The following GABRA4 variants were observed in gnomAD, a reference collection of about 807,000 sequenced individuals.
GABRA4 encodes the protein gamma-aminobutyric acid type A receptor subunit alpha4.
A neutral mutation model predicts 49.7 loss-of-function variants in GABRA4; 12 were observed. The observed-to-expected ratio is 0.24, with a 90% CI of 0.15 to 0.39. The LOEUF (loss-of-function observed/expected upper bound fraction) is 0.39, where lower values mean the gene tolerates loss of function less well. Ranked by LOEUF, GABRA4 falls within the 10% of genes least tolerant of loss-of-function variation. The pLI is 1.00. For missense variants in GABRA4, 506 were observed against 686.0 expected, an observed-to-expected ratio of 0.74 and a Z score of 2.93; for synonymous variants, 288 against 240.2, an observed-to-expected ratio of 1.20 and a Z score of -1.84.
intron 1 of GABRA4, 146 bp from the exon 2 acceptor site, chr4:46,993,092 A>G: frequency 1.4e-6 from 1 of 720,466 alleles, no homozygotes; most frequent in Admixed American, 2.6e-5. Context: ...GATGCAGAAG[A>G]CAGAAATGGT....
intron 7 of GABRA4, among the ~76,000 whole-genome samples, chr4:46,968,169 A>T (rs1375532492): frequency 1.3e-5 from 2 of 151,636 alleles, no homozygotes; most frequent in Non-Finnish European, 3.0e-5. Context: ...TAAATCTCAT[A>T]TGAAAATAGC....
intron 8 of GABRA4, among the ~76,000 whole-genome samples, chr4:46,958,639 C>G (rs1314487286): frequency 1.3e-5 from 2 of 151,874 alleles, no homozygotes; most frequent in African/African-American, 2.4e-5. Context: ...AGAAACAGAA[C>G]AGCTGGTTTG....
At chr4:46,955,609 T>C (rs1722311713) in intron 8 of GABRA4, among the ~76,000 whole-genome samples, 1 of 152,106 alleles carries the variant, frequency 6.6e-6, no homozygotes, top group South Asian at 2.1e-4. Flanking sequence ...TGAATGACTA[T>C]CATTCCTACC....
chr4:46,963,024 A>G (rs1450947949), intron 8 of GABRA4, among the ~76,000 whole-genome samples: 1 of 151,868 alleles, frequency 6.6e-6, no homozygotes, highest in East Asian at 1.9e-4. Context: ...AATCTCTTGG[A>G]CATTGGTCTG....
At chr4:46,952,088 T>C (rs983567779) in intron 8 of GABRA4, among the ~76,000 whole-genome samples, 12 of 152,074 alleles carry the variant, frequency 7.9e-5, no homozygotes, top group Non-Finnish European at 1.3e-4. Flanking sequence ...AAAAATTTAG[T>C]GGCCTACATT....
At chr4:46,980,348 C>A (rs1259383666) in intron 2 of GABRA4, among the ~76,000 whole-genome samples, 1 of 140,754 alleles carries the variant, frequency 7.1e-6, no homozygotes. Context: ...CACTTGGATT[C>A]TTGCTTGGGA....
At chr4:46,989,924 T>A (rs909330210) in intron 2 of GABRA4, among the ~76,000 whole-genome samples, 1 of 152,136 alleles carries the variant, frequency 6.6e-6, no homozygotes, top group Non-Finnish European at 1.5e-5. Flanking sequence ...TATCTAAGAG[T>A]CTGTGCTAAT....
At chr4:46,979,312 C>T (rs1321424686) in intron 2 of GABRA4, among the ~76,000 whole-genome samples, 1 of 152,002 alleles carries the variant, frequency 6.6e-6, no homozygotes, top group Non-Finnish European at 1.5e-5. Context: ...AAAAGAAACC[C>T]CAATTACTTA....
rs1720939751 is a variant in GABRA4 at position 46,920,328 on chromosome 4, A to T, written c.*7897T>A. On this transcript the variant is annotated 3_prime_UTR_variant, in exon 9 of 9. Coordinates refer to ENST00000264318, the MANE Select transcript of GABRA4 (RefSeq NM_000809.4). ...TAATATCTTATATTGCCAACAACAT[A>T]ACTTTGTTCAGGTATTTGCCAGTCT... 6.6e-6 allele frequency: 1 copy of T among 151,684 alleles called. No individual in the cohort carries two copies. Among genetic ancestry groups the T allele is most frequent in the Non-Finnish European group, 1.5e-5 (1 of 67,664 alleles). The allele number at this position is 151,684 out of a possible 1,614,324, so 9.4% of individuals were successfully genotyped here.
intron 2 of GABRA4, among the ~76,000 whole-genome samples, chr4:46,990,107 G>A (rs1345675558): frequency 2.0e-5 from 3 of 151,958 alleles, no homozygotes; most frequent in Non-Finnish European, 4.4e-5. Context: ...ACATTTATCA[G>A]CAAAGCCAAG....
chr4:46,953,122 A>G (rs1722230085), intron 8 of GABRA4, among the ~76,000 whole-genome samples: 1 of 152,144 alleles, frequency 6.6e-6, no homozygotes, highest in African/African-American at 2.4e-5. Flanking sequence ...GCAATTCTAG[A>G]ATGATTCTTA....
intron 2 of GABRA4, among the ~76,000 whole-genome samples, chr4:46,988,472 G>T (rs1723619851): frequency 6.6e-6 from 1 of 152,252 alleles, no homozygotes; most frequent in East Asian, 1.9e-4. Flanking sequence ...TTTTGTCTAT[G>T]TATTTTTAAA....
At position 46,977,556 on chromosome 4, in the gene GABRA4, A is replaced by G. The variant is rs1415403234; in HGVS notation, c.348T>C (p.Ile116=). 6.2e-7 allele frequency: 1 copy of G among 1,613,230 alleles called. No individual in the cohort carries two copies. Among genetic ancestry groups the G allele is most frequent in the South Asian group, 1.1e-5 (1 of 91,034 alleles). Residue 116 remains isoleucine, a synonymous_variant, in exon 4 of 9, where the codon ATT becomes ATC. Coordinates refer to ENST00000264318, the MANE Select transcript of GABRA4 (RefSeq NM_000809.4). ...KRLKYDGPIE[I]LRLNNMMVTK... is the part of the protein sequence containing the mutation. ...TTACCATCATATTGTTCAATCTCAA[A>G]ATTTCAATGGGGCCGTCATATTTTA...
Position 46,923,686 on chromosome 4 carries a change from T to C in GABRA4, c.*4539A>G, listed in dbSNP as rs1326460273. On this transcript the variant is annotated 3_prime_UTR_variant, in exon 9 of 9. Coordinates refer to ENST00000264318, the MANE Select transcript of GABRA4 (RefSeq NM_000809.4). ...GATTTGTGGCCCTCCAAACCATAGTTCACACAATAATCAGGTGCTTTCTCT... is the reference window on the plus strand; with the variant it reads ...GATTTGTGGCCCTCCAAACCATAGTCCACACAATAATCAGGTGCTTTCTCT... 1 of 152,106 alleles carries C rather than the reference T, an allele frequency of 6.6e-6. No homozygotes were observed. The highest frequency in any genetic ancestry group is 1.9e-4 in the East Asian group (1 of 5,196). The allele number at this position is 152,106 out of a possible 1,614,324, so 9.4% of individuals were successfully genotyped here.
At position 46,923,375 on chromosome 4, in the gene GABRA4, G is replaced by C. The variant is rs1721103693; in HGVS notation, c.*4850C>G. On this transcript the variant is annotated 3_prime_UTR_variant, in exon 9 of 9. Transcript: ENST00000264318. Reference sequence around the variant, plus strand: ...CAATTTAATTTTTTATTATTTAATGGCAGCATGTATGTCATATTGGCTTCT... The same window carrying C: ...CAATTTAATTTTTTATTATTTAATGCCAGCATGTATGTCATATTGGCTTCT... 6.6e-6 allele frequency: 1 copy of C among 151,822 alleles called. No homozygotes were observed. The highest frequency in any genetic ancestry group is 1.5e-5 in the Non-Finnish European group (1 of 67,978). 9.4% of individuals were successfully genotyped at this position (151,822 alleles called of 1,614,324 possible).
At chr4:46,978,853 C>T (rs947493026) in intron 3 of GABRA4, among the ~76,000 whole-genome samples, 178 bp downstream of exon 3, 1 of 152,012 alleles carries the variant, frequency 6.6e-6, no homozygotes, top group East Asian at 1.9e-4. Context: ...AATGTTACAA[C>T]TGAAATGCAA....
Position 46,977,543 on chromosome 4 carries a change from T to G in GABRA4, c.361A>C (p.Asn121His), listed in dbSNP as rs1723188967. The G allele has an allele frequency of 6.2e-7, 1 of 1,613,138 alleles. No homozygotes were observed. Among genetic ancestry groups the G allele is most frequent in the Non-Finnish European group, 8.5e-7 (1 of 1,179,402 alleles). ...DGPIEILRLNNMMVTKVWTPD... is the reference protein window; with the variant it reads ...DGPIEILRLNHMMVTKVWTPD... ...GTCCACACTTTCGTTACCATCATATTGTTCAATCTCAAAATTTCAATGGGG... is the reference window on the plus strand; with the variant it reads ...GTCCACACTTTCGTTACCATCATATGGTTCAATCTCAAAATTTCAATGGGG... Residue 121 changes from asparagine to histidine, a missense_variant, in exon 4 of 9, where the codon AAT becomes CAT. Asn to His is a moderately conservative substitution (Grantham distance 68). Around this residue, in one of 5 missense-constraint regions of GABRA4, gnomAD observed 195 missense variants for 326.0 expected, o/e 0.60. Coordinates refer to ENST00000264318, the MANE Select transcript of GABRA4 (RefSeq NM_000809.4).
intron 2 of GABRA4, among the ~76,000 whole-genome samples, chr4:46,982,390 C>T (rs990047903): frequency 6.6e-6 from 1 of 151,788 alleles, no homozygotes; most frequent in Non-Finnish European, 1.5e-5. Context: ...GACACACACA[C>T]ACACACATAG....
chr4:46,956,399 A>G, intron 8 of GABRA4, among the ~76,000 whole-genome samples: 1 of 152,086 alleles, frequency 6.6e-6, no homozygotes, highest in East Asian at 1.9e-4. Context: ...AGCATTTTTA[A>G]GAGGAATTTT....
Sources: gnomAD v4.1 joint callset for allele counts (sites outside exome capture counted in the v4.1 genomes callset) on GRCh38, gnomAD v4.1.1 for gene constraint, gnomAD v4.1.1 regional missense constraint, MANE v1.5 for transcripts, NCBI Gene and HGNC (gene_info 2026-07-23, HGNC 2026-07-21) for gene names.